Variants in KLHL4 observed in about 807,000 individuals in gnomAD.
KLHL4 encodes the protein kelch-like protein 4.
In KLHL4, 17 loss-of-function variants were observed where a neutral mutation model predicts 45.8. The ratio of observed to expected loss-of-function variants is 0.37; its 90% confidence interval spans 0.25 to 0.56. The LOEUF is 0.56. Ranked by LOEUF, KLHL4 falls within the 20% of genes least tolerant of loss-of-function variation. The probability of loss-of-function intolerance (pLI) is 0.79; values close to 1 mark genes in which losing one functional copy is unlikely to be tolerated. For missense variants in KLHL4, 544 were observed against 544.9 expected (o/e 1.00, Z 0.02); for synonymous variants, 224 against 189.9 (o/e 1.18, Z -1.47).
chrX:87,564,929 C>A (rs781574563), intron 1 of KLHL4, among the ~76,000 whole-genome samples: 2 of 111,589 alleles, frequency 1.8e-5, no homozygotes, highest in Non-Finnish European at 3.8e-5. Context: ...TAAAGAAGGT[C>A]TAAATAAATT....
intron 7 of KLHL4, among the ~76,000 whole-genome samples, chrX:87,633,495 A>G (rs1923165175): frequency 8.9e-6 from 1 of 111,761 alleles, no homozygotes; most frequent in African/African-American, 3.3e-5. Flanking sequence ...TAAATGGTGC[A>G]TTCTACTGCC....
Position 87,669,336 on chromosome X carries a change from A to G in KLHL4, c.*2802A>G. The G allele has an allele frequency of 2.5e-6, 3 of 1,208,703 alleles. No homozygotes were observed. The highest frequency in any genetic ancestry group is 3.4e-6 in the Non-Finnish European group (3 of 893,299). On this transcript the variant is annotated 3_prime_UTR_variant, in exon 11 of 11. Coordinates refer to ENST00000373119, the MANE Select transcript of KLHL4 (RefSeq NM_019117.5). ...CTTCCTGTATTTCCACAGAGCATGC[A>G]AGAACTTCTACAAAACTTCTATACC...
intron 1 of KLHL4, among the ~76,000 whole-genome samples, chrX:87,572,820 C>G (rs1932361379): frequency 1.5e-5 from 1 of 67,297 alleles, no homozygotes; most frequent in South Asian, 8.8e-4. Flanking sequence ...GGAAGGAAAA[C>G]TTAAAAAAAA....
chrX:87,520,239 C>T (rs190789237), intron 1 of KLHL4, among the ~76,000 whole-genome samples: 186 of 112,461 alleles, frequency 1.7e-3, no homozygotes, highest in Non-Finnish European at 3.3e-3. Context: ...TGATGCCTTG[C>T]TTCTCCAGTG....
At chrX:87,551,177 TTAATG>T (rs1363126914) in intron 1 of KLHL4, among the ~76,000 whole-genome samples, 1 of 111,025 alleles carries the variant, frequency 9.0e-6, no homozygotes, top group Non-Finnish European at 1.9e-5. Context: ...AGATACAAGA[TTAATG>T]TACACAAATC....
At chrX:87,614,378 C>T in intron 2 of KLHL4, 56 bp from the exon 3 acceptor site, 1 of 1,110,182 alleles carries the variant, frequency 9.0e-7, no homozygotes, top group East Asian at 3.0e-5. Flanking sequence ...CCATTTCATG[C>T]TTTTCAGTGA....
chrX:87,596,315 A>C (rs1486887299), intron 1 of KLHL4, among the ~76,000 whole-genome samples: 1 of 112,394 alleles, frequency 8.9e-6, no homozygotes, highest in Non-Finnish European at 1.9e-5. Flanking sequence ...CCATGTTCAT[A>C]TATAATGCTG....
chrX:87,532,351 T>G (rs1027718920), intron 1 of KLHL4, among the ~76,000 whole-genome samples: 1 of 111,224 alleles, frequency 9.0e-6, no homozygotes, highest in African/African-American at 3.3e-5. Context: ...GTAGTGTAGT[T>G]TGAAGTCAGG....
chrX:87,650,196 T>A (rs975334815), intron 9 of KLHL4, among the ~76,000 whole-genome samples: 5 of 111,226 alleles, frequency 4.5e-5, no homozygotes, highest in Non-Finnish European at 1.9e-5. Flanking sequence ...CCCAAGTTCA[T>A]GTAATCCTCC....
intron 1 of KLHL4, among the ~76,000 whole-genome samples, chrX:87,600,793 A>G (rs1921993995): frequency 8.9e-6 from 1 of 112,393 alleles, no homozygotes; most frequent in Non-Finnish European, 1.9e-5. Context: ...TAATCTGGAA[A>G]TATTATTTCA....
rs187670079 is a variant in KLHL4, at chrX:87,520,545, A to G, written c.422+2230A>G. Reference sequence around the variant, plus strand: ...AGTCCTGGAAGGGATATTAAAGCCAACATTGTTAAAGTTATGTTGACATGT... The same window carrying G: ...AGTCCTGGAAGGGATATTAAAGCCAGCATTGTTAAAGTTATGTTGACATGT... On this transcript the variant is annotated intron_variant, in intron 1 of 10. Transcript: ENST00000373119. Among the ~76,000 whole-genome samples the G allele has an allele frequency of 3.6e-3, 404 of 112,728 alleles. 6 individuals are homozygous for G. The South Asian group carries it at 0.049, about 14-fold the overall frequency.
At chrX:87,535,281 G>A (rs1931404191) in intron 1 of KLHL4, among the ~76,000 whole-genome samples, 1 of 111,312 alleles carries the variant, frequency 9.0e-6, no homozygotes, top group Non-Finnish European at 1.9e-5. Context: ...CTAATGCCTG[G>A]CTTCTCACAG....
At chrX:87,569,234 A>G (rs1932282245) in intron 1 of KLHL4, among the ~76,000 whole-genome samples, 1 of 111,923 alleles carries the variant, frequency 8.9e-6, no homozygotes, top group Admixed American at 9.5e-5. Context: ...ATCATTAGTC[A>G]TTAGGGAAAT....
At chrX:87,662,112 T>C (rs1924207207) in intron 9 of KLHL4, among the ~76,000 whole-genome samples, 1 of 111,657 alleles carries the variant, frequency 9.0e-6, no homozygotes, top group Non-Finnish European at 1.9e-5. Context: ...CACCTATTAT[T>C]ACGCTATTAT....
chrX:87,638,995 G>A lies in KLHL4; in HGVS notation c.1925+3220G>A, dbSNP rs72634516. Among the ~76,000 whole-genome samples the A allele has an allele frequency of 1.6e-3, 181 of 110,325 alleles. 2 individuals are homozygous for A. The East Asian group carries it at 0.049, about 30-fold the overall frequency. On this transcript the variant is annotated intron_variant, in intron 9 of 10. Transcript: ENST00000373119. The stretch of plus-strand genomic sequence containing the variant: ...CAAATAAACTTAAGGTAAAGGAGTG[G>A]AAAAAAGATAGTCCGTGAAAATGGA...
chrX:87,549,264 G>C (rs1318883825), intron 1 of KLHL4, among the ~76,000 whole-genome samples: 1 of 110,814 alleles, frequency 9.0e-6, no homozygotes, highest in Non-Finnish European at 1.9e-5. Context: ...GTAGCACCCA[G>C]ATTTATAAAG....
chrX:87,564,264 T>C (rs1053072282), intron 1 of KLHL4, among the ~76,000 whole-genome samples: 2 of 111,134 alleles, frequency 1.8e-5, no homozygotes, highest in African/African-American at 3.3e-5. Context: ...TATGATAATA[T>C]GTAAATAGAA....
chrX:87,665,616 C>T (rs1924341550), intron 10 of KLHL4, among the ~76,000 whole-genome samples: 1 of 111,533 alleles, frequency 9.0e-6, no homozygotes, highest in Non-Finnish European at 1.9e-5. Flanking sequence ...TAGATTTATT[C>T]TAAAATATTT....
intron 1 of KLHL4, among the ~76,000 whole-genome samples, chrX:87,555,548 T>G (rs1243428082): frequency 9.2e-6 from 1 of 108,938 alleles, no homozygotes; most frequent in South Asian, 4.1e-4. Flanking sequence ...TGTATTTCTG[T>G]GGGATCGGTG....
Sources: allele counts gnomAD v4.1 joint callset (sites outside exome capture counted in the v4.1 genomes callset), GRCh38; gene constraint gnomAD v4.1.1; transcripts MANE v1.5; gene names NCBI Gene and HGNC (gene_info 2026-07-23, HGNC 2026-07-21).